TENM3: variants seen among roughly 807,000 people sequenced by gnomAD.
TENM3 encodes teneurin-3.
Under a neutral mutation model 255.1 loss-of-function variants are expected in TENM3, and 63 were observed. The observed-to-expected ratio is 0.25, with a 90% confidence interval of 0.20 to 0.30. The LOEUF (loss-of-function observed/expected upper bound fraction) is 0.30, where lower values mean the gene tolerates loss of function less well. TENM3 is among the 10% of genes least tolerant of loss of function. The probability of loss-of-function intolerance (pLI) is 1.00; values close to 1 mark genes in which losing one functional copy is unlikely to be tolerated. For missense variants in TENM3, 2,929 were observed against 3,461.1 expected, an observed-to-expected ratio of 0.85 and a Z score of 3.86; for synonymous variants, 1,306 against 1,322.3, an observed-to-expected ratio of 0.99 and a Z score of 0.27.
the TENM3 span, among the ~76,000 whole-genome samples, chr4:181,581,908 T>C: frequency 6.6e-5 from 10 of 152,016 alleles, no homozygotes; most frequent in African/African-American, 2.4e-4. Context: ...AATTTTTGTA[T>C]TTTTAGTAGA....
chr4:182,139,729 G>C (rs1732660243), upstream of TENM3, among the ~76,000 whole-genome samples: 1 of 152,170 alleles, frequency 6.6e-6, no homozygotes. Context: ...AAAATCCTTC[G>C]CAAAACCTGG....
chr4:182,611,817 A>G (rs529170167), intron 4 of TENM3, among the ~76,000 whole-genome samples: 2 of 152,182 alleles, frequency 1.3e-5, no homozygotes, highest in Non-Finnish European at 2.9e-5. Context: ...TTTTTCAAAA[A>G]TATATTCTTG....
chr4:181,815,588 T>C, the TENM3 span, among the ~76,000 whole-genome samples: 1 of 152,062 alleles, frequency 6.6e-6, no homozygotes, highest in African/African-American at 2.4e-5. Context: ...TAGAGGTTAA[T>C]TAAAATACAG....
At chr4:181,954,005 C>T in the TENM3 span, among the ~76,000 whole-genome samples, 5 of 152,262 alleles carry the variant, frequency 3.3e-5, no homozygotes, top group African/African-American at 4.8e-5. Context: ...GCACAACTAG[C>T]GGCTTCTGTC....
chr4:181,815,888 C>G, the TENM3 span, among the ~76,000 whole-genome samples: 47,070 of 152,034 alleles, frequency 0.31, 7,698 homozygotes, highest in Admixed American at 0.48. Context: ...TTTCAGAGCT[C>G]TTTCTCAGAA....
the TENM3 span, among the ~76,000 whole-genome samples, chr4:181,894,799 A>T: frequency 6.6e-6 from 1 of 152,106 alleles, no homozygotes; most frequent in African/African-American, 2.4e-5. Flanking sequence ...GTAAGAATTC[A>T]CGGATGCCAC....
At chr4:182,146,977 C>A (rs1750013097) in intron 1 of TENM3, among the ~76,000 whole-genome samples, 1 of 152,020 alleles carries the variant, frequency 6.6e-6, no homozygotes. Context: ...GAAAAGGGAA[C>A]CTGCCTTATT....
the TENM3 span, among the ~76,000 whole-genome samples, chr4:181,838,930 C>G: frequency 6.6e-6 from 1 of 151,642 alleles, no homozygotes; most frequent in South Asian, 2.1e-4. Flanking sequence ...ATTTTTGTAA[C>G]TTCTTAAAAA....
At chr4:182,014,442 CA>C in the TENM3 span, among the ~76,000 whole-genome samples, 4 of 152,008 alleles carry the variant, frequency 2.6e-5, no homozygotes, top group South Asian at 2.1e-4. Flanking sequence ...AAAGCTGGCT[CA>C]AAAAATGAAA....
At chr4:181,910,707 G>A in the TENM3 span, among the ~76,000 whole-genome samples, 1 of 150,482 alleles carries the variant, frequency 6.6e-6, no homozygotes, top group Non-Finnish European at 1.5e-5. Flanking sequence ...GAACTTCTAG[G>A]CTCAGGTAAT....
chr4:182,340,983 T>G (rs1187718108), intron 2 of TENM3, among the ~76,000 whole-genome samples: 1 of 152,190 alleles, frequency 6.6e-6, no homozygotes, highest in East Asian at 1.9e-4. Flanking sequence ...GTAGGAGAAA[T>G]GAATGGTTAT....
chr4:182,778,906 G>T (rs900759619), intron 24 of TENM3, among the ~76,000 whole-genome samples: 3 of 148,102 alleles, frequency 2.0e-5, no homozygotes, highest in Non-Finnish European at 3.0e-5. Context: ...ATTTAAGTGT[G>T]TGTGTGTATG....
chr4:182,760,004 A>T (rs1763021404), intron 22 of TENM3, among the ~76,000 whole-genome samples: 1 of 152,318 alleles, frequency 6.6e-6, no homozygotes, highest in East Asian at 1.9e-4. Flanking sequence ...CTTTGAAATC[A>T]CTGAGTTAGA....
intron 1 of TENM3, among the ~76,000 whole-genome samples, chr4:182,271,929 G>A (rs930841524): frequency 6.6e-6 from 1 of 152,206 alleles, no homozygotes; most frequent in Non-Finnish European, 1.5e-5. Context: ...GTGACTTCAC[G>A]GAGGGTGTGT....
rs916024317 is a variant in TENM3, at chr4:182,800,979, C to A, written c.*628C>A. 6.6e-6 allele frequency: 1 copy of A among 152,572 alleles called. No homozygotes were observed. The highest frequency in any genetic ancestry group is 1.5e-5 in the Non-Finnish European group (1 of 68,032). 9.5% of individuals were successfully genotyped at this position (152,572 alleles called of 1,614,324 possible). A position where few individuals can be genotyped will look rare whatever the true frequency, so the allele number is the denominator to read the frequency against. The stretch of plus-strand genomic sequence containing the variant: ...CTTGTCACTGATAAGCAAAGGAAAT[C>A]CTGATTTTTTTGTAAATTATGTGAG... On this transcript the variant is annotated 3_prime_UTR_variant, in exon 28 of 28. Transcript: ENST00000511685.
intron 3 of TENM3, among the ~76,000 whole-genome samples, chr4:182,361,357 C>T (rs1006398140): frequency 5.3e-5 from 8 of 152,014 alleles, no homozygotes; most frequent in African/African-American, 1.2e-4. Flanking sequence ...TCAGGTACAC[C>T]AATCAGATGT....
At chr4:182,338,096 A>T (rs760650593) in intron 2 of TENM3, among the ~76,000 whole-genome samples, 3 of 152,154 alleles carry the variant, frequency 2.0e-5, no homozygotes, top group Non-Finnish European at 2.9e-5. Flanking sequence ...ACTGCCTATG[A>T]AATTTACCTA....
intron 26 of TENM3, among the ~76,000 whole-genome samples, chr4:182,795,933 A>C (rs1365687148): frequency 6.6e-6 from 1 of 152,242 alleles, no homozygotes; most frequent in Non-Finnish European, 1.5e-5. Context: ...CCAGAATAGA[A>C]TAAAAGCCTT....
At chr4:182,415,487 G>A (rs1192548821) in intron 3 of TENM3, among the ~76,000 whole-genome samples, 1 of 152,096 alleles carries the variant, frequency 6.6e-6, no homozygotes, top group African/African-American at 2.4e-5. Context: ...AGCCAGGTTT[G>A]AACATTTCTT....
Sources: gnomAD v4.1 joint callset for allele counts (sites outside exome capture counted in the v4.1 genomes callset) on GRCh38, gnomAD v4.1.1 for gene constraint, MANE v1.5 for transcripts, NCBI Gene and HGNC (gene_info 2026-07-23, HGNC 2026-07-21) for gene names.